Variants in RELN observed in about 807,000 individuals in gnomAD.
The protein encoded by RELN is reelin.
In RELN, 108 loss-of-function variants were observed where a neutral mutation model predicts 427.6. The observed-to-expected ratio is 0.25, with a 90% CI of 0.22 to 0.30. The LOEUF is 0.30. RELN is among the 10% of genes least tolerant of loss of function. The pLI, the probability that RELN is intolerant of heterozygous loss-of-function variation, is 1.00. For synonymous variants in RELN, 1,524 were observed against 1,513.4 expected (o/e 1.01, Z -0.16); for missense variants, 3,715 against 4,302.8 (o/e 0.86, Z 3.82).
chr7:103,661,586 G>T (rs1833145554), intron 11 of RELN, 59 bp from the exon 12 acceptor site: 6 of 1,503,628 alleles, frequency 4.0e-6, no homozygotes, highest in Middle Eastern at 1.8e-4. Flanking sequence ...TCTTTATAAA[G>T]AATAACATTT....
At chr7:103,939,377 C>T (rs1796061276) in intron 1 of RELN, among the ~76,000 whole-genome samples, 1 of 152,074 alleles carries the variant, frequency 6.6e-6, no homozygotes, top group South Asian at 2.1e-4. Context: ...TAAAAATATA[C>T]TAACCTCATT....
intron 46 of RELN, among the ~76,000 whole-genome samples, chr7:103,528,312 T>C (rs1829867579): frequency 6.6e-6 from 1 of 152,192 alleles, no homozygotes; most frequent in African/African-American, 2.4e-5. Context: ...ACACATTGTA[T>C]AATTCCATTT....
intron 20 of RELN, among the ~76,000 whole-genome samples, chr7:103,616,513 T>G (rs886793370): frequency 1.1e-4 from 17 of 152,162 alleles, no homozygotes; most frequent in Non-Finnish European, 2.5e-4. Flanking sequence ...ATAGAAATTG[T>G]ATACTTATTG....
In RELN at chr7:103,472,836, T is replaced by C. The variant is rs1827900839; in HGVS notation, c.10359A>G (p.Arg3453=). 6.2e-7 allele frequency: 1 copy of C among 1,613,946 alleles called. No homozygotes were observed. Among genetic ancestry groups the C allele is most frequent in the Non-Finnish European group, 8.5e-7 (1 of 1,179,820 alleles). ...TTCATGGGTATCGCCTAAGTGACCT[T>C]CGTCTTCTGTTGTAGAAATGTCTGA... ...HGLRHFYNRR[R]RSLRRYP Residue 3453 remains arginine, a synonymous_variant, in exon 65 of 65, where the codon CGA becomes CGG. Coordinates refer to ENST00000428762, the MANE Select transcript of RELN (RefSeq NM_005045.4).
At chr7:103,728,008 T>C (rs1790256349) in intron 7 of RELN, 103 bp downstream of exon 7, 6 of 1,058,564 alleles carry the variant, frequency 5.7e-6, no homozygotes, top group South Asian at 4.0e-5. Flanking sequence ...TAAATCATAT[T>C]TGAATTTTCA....
rs558143928 is a variant in RELN, at chr7:103,792,415, C to T, written c.474-15788G>A. Among the ~76,000 whole-genome samples, 426 of 152,148 alleles carry T rather than the reference C, an allele frequency of 2.8e-3. 1 individual carries two copies. The highest frequency in any genetic ancestry group is 4.8e-3 in the Non-Finnish European group (323 of 67,978). On this transcript the variant is annotated intron_variant, in intron 3 of 64. Transcript: ENST00000428762. ...AAATGGAAATGAAGTACCGTTCATG[C>T]TACAATATCAATCAACCTTGAAAAT... is the stretch of plus-strand genomic sequence containing the variant.
At position 103,611,820 on chromosome 7, in the gene RELN, T is replaced by C. The variant is rs368474364; in HGVS notation, c.2703-17A>G. 1.6e-5 allele frequency: 25 copies of C among 1,602,536 alleles called. No homozygotes were observed. The highest frequency in any genetic ancestry group is 2.1e-5 in the Non-Finnish European group (24 of 1,169,772). On this transcript the variant is annotated splice_polypyrimidine_tract_variant and intron_variant, in intron 20 of 64. Coordinates refer to ENST00000428762, the MANE Select transcript of RELN (RefSeq NM_005045.4). ...CCTGTAAAACTGAAAGAGACAGAGA[T>C]GGAAATCAGAAAATTCTAAACACAA...
At chr7:103,477,511 G>A (rs1423628714) in intron 64 of RELN, among the ~76,000 whole-genome samples, 1 of 152,204 alleles carries the variant, frequency 6.6e-6, no homozygotes, top group Non-Finnish European at 1.5e-5. Flanking sequence ...TGTAAGGCAG[G>A]AAGCTGCCAT....
At chr7:103,481,470 T>G (rs994785212) in intron 63 of RELN, among the ~76,000 whole-genome samples, 3 of 152,150 alleles carry the variant, frequency 2.0e-5, no homozygotes, top group African/African-American at 7.2e-5. Flanking sequence ...TTGACTCTCA[T>G]TTTATTATCT....
At chr7:103,980,741 G>A (rs1323146358) in intron 1 of RELN, among the ~76,000 whole-genome samples, 2 of 152,176 alleles carry the variant, frequency 1.3e-5, no homozygotes, top group Admixed American at 1.3e-4. Context: ...CACATATTAA[G>A]TGCTACTTTA....
Position 103,557,978 on chromosome 7 carries a change from T to C in RELN, c.5601A>G (p.Arg1867=). Residue 1867 remains arginine, a synonymous_variant, in exon 37 of 65, where the codon AGA becomes AGG. Transcript: ENST00000428762. ...ATTCATACTTACTTTTTGCTATAAA[T>C]CTAAGTGAAAACTGGACATACATTG... ...TNTMYVQFSL[R]FIAKSTPERS... 1 of 1,368,340 alleles carries C rather than the reference T, an allele frequency of 7.3e-7. No homozygotes were observed. The highest frequency in any genetic ancestry group is 1.0e-6 in the Non-Finnish European group (1 of 956,112). The allele number at this position is 1,368,340 out of a possible 1,614,324, so 84.8% of individuals were successfully genotyped here. A position where few individuals can be genotyped will look rare whatever the true frequency, so the allele number is the denominator to read the frequency against.
intron 13 of RELN, among the ~76,000 whole-genome samples, chr7:103,653,732 G>T (rs1398443019): frequency 2.0e-5 from 3 of 151,940 alleles, no homozygotes; most frequent in Non-Finnish European, 4.4e-5. Flanking sequence ...TTCTACCCAG[G>T]AGATCTCAAA....
At chr7:103,762,594 C>T (rs1196260168) in intron 4 of RELN, among the ~76,000 whole-genome samples, 1 of 152,190 alleles carries the variant, frequency 6.6e-6, no homozygotes, top group African/African-American at 2.4e-5. Flanking sequence ...ATGCTGAGCA[C>T]AATGTCTCAC....
intron 8 of RELN, among the ~76,000 whole-genome samples, chr7:103,719,236 C>G (rs563030761): frequency 2.0e-5 from 3 of 152,288 alleles, no homozygotes; most frequent in Admixed American, 2.0e-4. Flanking sequence ...CCCAGTTCCT[C>G]TGCTCTAGGA....
intron 11 of RELN, among the ~76,000 whole-genome samples, chr7:103,676,532 A>G (rs1301028430): frequency 6.6e-6 from 1 of 152,236 alleles, no homozygotes; most frequent in Non-Finnish European, 1.5e-5. Context: ...CAGCAATCCC[A>G]TTACTGGGTA....
intron 24 of RELN, among the ~76,000 whole-genome samples, chr7:103,597,500 G>A (rs561506979): frequency 7.2e-4 from 110 of 152,272 alleles, no homozygotes; most frequent in Middle Eastern, 6.8e-3. Flanking sequence ...CTATTCAGGA[G>A]GCTGAGGCAG....
chr7:103,920,990 A>T (rs548385776), intron 1 of RELN, among the ~76,000 whole-genome samples: 2 of 152,336 alleles, frequency 1.3e-5, no homozygotes, highest in East Asian at 3.9e-4. Context: ...CAAATAGTAA[A>T]ATGTACTAGA....
In RELN at chr7:103,989,044, G is replaced by A. The variant is rs1418276417; in HGVS notation, c.226+87C>T. The A allele has an allele frequency of 1.7e-6, 2 of 1,211,218 alleles. No homozygotes were observed. Among genetic ancestry groups the A allele is most frequent in the South Asian group, 1.2e-5 (1 of 82,042 alleles). The allele number at this position is 1,211,218 out of a possible 1,614,324, so 75.0% of individuals were successfully genotyped here. A position where few individuals can be genotyped will look rare whatever the true frequency, so the allele number is the denominator to read the frequency against. On this transcript the variant is annotated intron_variant, in intron 1 of 64. Transcript: ENST00000428762. This position sits in a 1 kb window ranked among gnomAD's most constrained non-coding sequence, Gnocchi z 4.9. ...GGGTTGTCATGGTTCTTGTTTCCAA[G>A]GCCCCTTGGAAGAAGGAAAGGGATG...
Position 103,936,099 on chromosome 7 carries a change from C to CT in RELN, c.227-18915dup, listed in dbSNP as rs57827486. 1.9e-3 allele frequency among the ~76,000 whole-genome samples: 277 copies of CT among 143,026 alleles called. 5 individuals are homozygous for CT. Among genetic ancestry groups the CT allele is most frequent in the Middle Eastern group, 3.6e-3 (1 of 276 alleles). The allele number at this position is 143,026 out of a possible 152,430, so 93.8% of individuals were successfully genotyped here. A position where few individuals can be genotyped will look rare whatever the true frequency, so the allele number is the denominator to read the frequency against. ...CATCTTGCATGAATTGCTTCAATGG[C>CT]TTTTTTTTTTTGAGACAGAGTCTCA... On this transcript the variant is annotated intron_variant, in intron 1 of 64. Coordinates refer to ENST00000428762, the MANE Select transcript of RELN (RefSeq NM_005045.4).
Sources: gnomAD v4.1 joint callset for allele counts (sites outside exome capture counted in the v4.1 genomes callset) on GRCh38, gnomAD v4.1.1 for gene constraint, Gnocchi (gnomAD v3.1) non-coding constraint, MANE v1.5 for transcripts, NCBI Gene and HGNC (gene_info 2026-07-23, HGNC 2026-07-21) for gene names.